The following SLCO4C1 variants were observed in gnomAD, a reference collection of about 807,000 sequenced individuals.
SLCO4C1 encodes the protein solute carrier organic anion transporter family member 4C1.
A neutral mutation model predicts 72.1 loss-of-function variants in SLCO4C1; 58 were observed. That is an observed-to-expected ratio of 0.80 (90% CI 0.65 to 1.00). SLCO4C1 has a LOEUF of 1.00. Among genes scored for constraint, SLCO4C1 ranks in the 50% least tolerant of loss-of-function variants. The probability of loss-of-function intolerance (pLI) is 0.00; values close to 1 mark genes in which losing one functional copy is unlikely to be tolerated. For missense variants in SLCO4C1, 898 were observed against 857.9 expected (o/e 1.05, Z -0.58); for synonymous variants, 297 against 312.5 (o/e 0.95, Z 0.52).
chr5:102,271,396 AT>A (rs1397770590), intron 2 of SLCO4C1, among the ~76,000 whole-genome samples: 1 of 151,192 alleles, frequency 6.6e-6, no homozygotes. Flanking sequence ...TGATGTACAT[AT>A]TTTTTTAAGT....
intron 8 of SLCO4C1, 132 bp from the exon 9 acceptor site, chr5:102,249,920 C>A (rs181593533): frequency 4.8e-5 from 43 of 896,766 alleles, no homozygotes; most frequent in Non-Finnish European, 7.0e-5. Flanking sequence ...ACAAATAAAA[C>A]GTCTTCCTTT....
chr5:102,270,367 T>A (rs2600831), intron 3 of SLCO4C1, among the ~76,000 whole-genome samples: 52,554 of 151,906 alleles, frequency 0.35, 9,448 homozygotes, highest in East Asian at 0.54. Context: ...GAATGCTGCT[T>A]AAATGGCTAT....
At chr5:102,250,918 CA>C (rs1363477964) in intron 8 of SLCO4C1, among the ~76,000 whole-genome samples, 1 of 151,896 alleles carries the variant, frequency 6.6e-6, no homozygotes, top group African/African-American at 2.4e-5. Flanking sequence ...ACCCACGAGG[CA>C]GACGTTTCAA....
chr5:102,246,879 T>G (rs1174348405), intron 10 of SLCO4C1, among the ~76,000 whole-genome samples: 2 of 152,136 alleles, frequency 1.3e-5, no homozygotes, highest in Non-Finnish European at 2.9e-5. Flanking sequence ...AGATTTAACG[T>G]CACAGTGCCT....
intron 9 of SLCO4C1, among the ~76,000 whole-genome samples, chr5:102,249,257 G>A (rs764394572): frequency 1.3e-5 from 2 of 152,008 alleles, no homozygotes; most frequent in African/African-American, 2.4e-5. Flanking sequence ...ATATACTGAG[G>A]TGCTGACTTA....
At chr5:102,263,444 T>C (rs1748977873) in intron 4 of SLCO4C1, among the ~76,000 whole-genome samples, 1 of 152,104 alleles carries the variant, frequency 6.6e-6, no homozygotes, top group South Asian at 2.1e-4. Flanking sequence ...TTTCACCAGA[T>C]GACTTTATTA....
At chr5:102,270,924 A>G in intron 2 of SLCO4C1, 118 bp from the exon 3 acceptor site, 1 of 838,016 alleles carries the variant, frequency 1.2e-6, no homozygotes, top group Non-Finnish European at 1.8e-6. Flanking sequence ...CAATCATTTT[A>G]CTTTGATTTA....
In SLCO4C1 at chr5:102,247,345, T is replaced by A. The variant is rs779929700; in HGVS notation, c.1718A>T (p.His573Leu). ...FEAKAGKCET[H>L]CAKLPIFLCI... Reference sequence around the variant, plus strand: ...AAGGAATATGGGCAGTTTCGCACAATGAGTTTCACATTTTCCAGCTTTAGC... The same window carrying A: ...AAGGAATATGGGCAGTTTCGCACAAAGAGTTTCACATTTTCCAGCTTTAGC... Residue 573 changes from histidine to leucine, a missense_variant, in exon 10 of 13, where the codon CAT (histidine) becomes CTT (leucine). Coordinates refer to ENST00000310954, the MANE Select transcript of SLCO4C1 (RefSeq NM_180991.5). 2 of 1,600,860 alleles carry A rather than the reference T, an allele frequency of 1.2e-6. No homozygotes were observed. Among genetic ancestry groups the A allele is most frequent in the Non-Finnish European group, 1.7e-6 (2 of 1,170,666 alleles).
At chr5:102,238,323 A>T (rs1580234462) in intron 12 of SLCO4C1, among the ~76,000 whole-genome samples, 1 of 152,182 alleles carries the variant, frequency 6.6e-6, no homozygotes, top group South Asian at 2.1e-4. Flanking sequence ...TGATTGTGGT[A>T]AAAATATATA....
intron 10 of SLCO4C1, among the ~76,000 whole-genome samples, chr5:102,242,560 C>A (rs1748565395): frequency 2.0e-5 from 3 of 152,102 alleles, no homozygotes; most frequent in African/African-American, 4.8e-5. Flanking sequence ...CCATTTCAGG[C>A]CTTAGGTCCC....
At chr5:102,241,411 T>C (rs758914508) in intron 10 of SLCO4C1, among the ~76,000 whole-genome samples, 14 of 152,096 alleles carry the variant, frequency 9.2e-5, no homozygotes, top group Non-Finnish European at 1.8e-4. Flanking sequence ...AGTAAAGTTT[T>C]AGCATACAAA....
chr5:102,247,051 C>T (rs1476439138), intron 10 of SLCO4C1, among the ~76,000 whole-genome samples: 2 of 152,128 alleles, frequency 1.3e-5, no homozygotes, highest in Non-Finnish European at 2.9e-5. Context: ...TGTGAAGACA[C>T]TTTCACCTGC....
At chr5:102,283,392 T>C (rs756448560) in intron 2 of SLCO4C1, among the ~76,000 whole-genome samples, 24 of 152,028 alleles carry the variant, frequency 1.6e-4, no homozygotes, top group Non-Finnish European at 3.1e-4. Flanking sequence ...ACTCACTTAT[T>C]TCTGACTCTC....
At position 102,279,032 on chromosome 5, in the gene SLCO4C1, A is replaced by G. The variant is rs1030539302; in HGVS notation, c.620-8226T>C. Reference sequence around the variant, plus strand: ...GGAAAATAGAAAACTATAGAGAAAAATCAATGAAACTAAAAGTTCATTTTC... The same window carrying G: ...GGAAAATAGAAAACTATAGAGAAAAGTCAATGAAACTAAAAGTTCATTTTC... On this transcript the variant is annotated intron_variant, in intron 2 of 12. Transcript: ENST00000310954. Among the ~76,000 whole-genome samples the G allele has an allele frequency of 5.3e-5, 8 of 151,798 alleles. No individual in the cohort carries two copies. In the East Asian group the frequency reaches 1.2e-3, roughly 22 times the overall value.
At chr5:102,280,538 C>A (rs1749335980) in intron 2 of SLCO4C1, among the ~76,000 whole-genome samples, 1 of 151,702 alleles carries the variant, frequency 6.6e-6, no homozygotes. Context: ...CAGTTTAATC[C>A]CAATTAATAT....
chr5:102,288,596 T>C (rs1000159456), intron 2 of SLCO4C1, among the ~76,000 whole-genome samples: 4 of 152,172 alleles, frequency 2.6e-5, no homozygotes, highest in African/African-American at 9.7e-5. Context: ...CAACTTTGCA[T>C]TGCATTTCAA....
chr5:102,273,010 A>G (rs565233433), intron 2 of SLCO4C1, among the ~76,000 whole-genome samples: 1,115 of 55,750 alleles, frequency 0.02, 59 homozygotes, highest in Admixed American at 0.15. Context: ...AAACACAAAC[A>G]TGGGCTAAAT....
chr5:102,260,284 C>G lies in SLCO4C1; in HGVS notation c.1057G>C (p.Ala353Pro), dbSNP rs1359088786. 2.9e-6 allele frequency: 4 copies of G among 1,369,622 alleles called. No homozygotes were observed. The highest frequency in any genetic ancestry group is 2.8e-6 in the Non-Finnish European group (3 of 1,055,558). 84.8% of individuals were successfully genotyped at this position (1,369,622 alleles called of 1,614,324 possible). A position where few individuals can be genotyped will look rare whatever the true frequency, so the allele number is the denominator to read the frequency against. The change falls in exon 6 of 13, where the codon GCT (alanine) becomes CCT (proline). Residue 353 changes from alanine (A) to proline (P), a missense_variant. By Grantham distance (27) the Ala-to-Pro change is conservative. Transcript: ENST00000310954. ...AEIQAGKTSQAHQSNSNADVK... is the reference protein window; with the variant it reads ...AEIQAGKTSQPHQSNSNADVK... ...TCTGCATTACTATTACTCTGATGAG[C>G]CTGGGAAGTTTTTCCAGCTTGAATT...
At chr5:102,268,284 G>A (rs774887891) in intron 3 of SLCO4C1, among the ~76,000 whole-genome samples, 11 of 151,972 alleles carry the variant, frequency 7.2e-5, no homozygotes, top group South Asian at 6.3e-4. Flanking sequence ...GTGCATATTC[G>A]ATTATAATTG....
Sources: allele counts gnomAD v4.1 joint callset (sites outside exome capture counted in the v4.1 genomes callset), GRCh38; gene constraint gnomAD v4.1.1; transcripts MANE v1.5; gene names NCBI Gene and HGNC (gene_info 2026-07-23, HGNC 2026-07-21).